Variants in ITGA9 observed in about 807,000 individuals in gnomAD.
ITGA9 encodes integrin subunit alpha 9.
ITGA9 carries 56 observed loss-of-function variants against 127.8 expected under a neutral mutation model. The ratio of observed to expected loss-of-function variants is 0.44; its 90% CI spans 0.35 to 0.55. The LOEUF (loss-of-function observed/expected upper bound fraction) is 0.55. ITGA9 is among the 20% of genes least tolerant of loss of function. The probability of loss-of-function intolerance (pLI) is 0.00; values close to 1 mark genes in which losing one functional copy is unlikely to be tolerated. For synonymous variants in ITGA9, 508 were observed against 514.5 expected, an observed-to-expected ratio of 0.99 and a Z score of 0.17; for missense variants, 1,196 against 1,347.1, an observed-to-expected ratio of 0.89 and a Z score of 1.76.
intron 27 of ITGA9, among the ~76,000 whole-genome samples, chr3:37,815,361 C>A (rs977395818): frequency 3.3e-5 from 5 of 152,324 alleles, no homozygotes; most frequent in East Asian, 3.9e-4. Context: ...GTAATCCCAG[C>A]GCTTTGGGAA....
At chr3:37,625,689 T>A (rs1700169874) in intron 15 of ITGA9, among the ~76,000 whole-genome samples, 1 of 152,226 alleles carries the variant, frequency 6.6e-6, no homozygotes, top group Non-Finnish European at 1.5e-5. Flanking sequence ...AAGGAGTTTC[T>A]CTGCTTAATT....
At chr3:37,762,702 A>G (rs1418279969) in intron 23 of ITGA9, among the ~76,000 whole-genome samples, 1 of 152,242 alleles carries the variant, frequency 6.6e-6, no homozygotes, top group African/African-American at 2.4e-5. Flanking sequence ...AGCCATTTCA[A>G]ACGATGTCAA....
intron 1 of ITGA9, among the ~76,000 whole-genome samples, chr3:37,466,302 G>A (rs1698369760): frequency 6.6e-6 from 1 of 151,810 alleles, no homozygotes; most frequent in South Asian, 2.1e-4. Flanking sequence ...TACCAATATG[G>A]TGAAACCCCA....
At chr3:37,576,598 T>G (rs576188490) in intron 15 of ITGA9, among the ~76,000 whole-genome samples, 1 of 152,148 alleles carries the variant, frequency 6.6e-6, no homozygotes, top group Non-Finnish European at 1.5e-5. Flanking sequence ...CAGCCAAGCA[T>G]GGAGGTCTCA....
rs183602653 is a variant in ITGA9 at position 37,820,716 on chromosome 3, G to T, written c.*1727G>T. On this transcript the variant is annotated 3_prime_UTR_variant, in exon 28 of 28. Coordinates refer to ENST00000264741, the MANE Select transcript of ITGA9 (RefSeq NM_002207.3). ...TGATGGATAACCATCTAATAAGACA[G>T]AAAACATGGGGCTAAGAGCAGGGTC... is the stretch of plus-strand genomic sequence containing the variant. The T allele has an allele frequency of 1.2e-4, 18 of 152,316 alleles. No homozygotes were observed. Among genetic ancestry groups the T allele is most frequent in the African/African-American group, 4.3e-4 (18 of 41,556 alleles). The allele number at this position is 152,316 out of a possible 1,614,324, so 9.4% of individuals were successfully genotyped here. A position where few individuals can be genotyped will look rare whatever the true frequency, so the allele number is the denominator to read the frequency against.
chr3:37,776,307 C>T (rs1168804949), intron 23 of ITGA9, among the ~76,000 whole-genome samples: 1 of 152,112 alleles, frequency 6.6e-6, no homozygotes, highest in Non-Finnish European at 1.5e-5. Context: ...ATATAACACA[C>T]CTGCACATGT....
In ITGA9 at chr3:37,819,353, TTTA is replaced by T. The variant is rs1221192720; in HGVS notation, c.*370_*372del. The T allele has an allele frequency of 4.8e-6, 1 of 210,398 alleles. No individual in the cohort carries two copies. Among genetic ancestry groups the T allele is most frequent in the Non-Finnish European group, 9.7e-6 (1 of 102,956 alleles). The allele number at this position is 210,398 out of a possible 1,614,324, so 13.0% of individuals were successfully genotyped here. On this transcript the variant is annotated 3_prime_UTR_variant, in exon 28 of 28. Transcript: ENST00000264741. ...ATGTCTTTTATATTTGTATCGATGT[TTTA>T]TTATTTCTATTAAATAGTTATATAA...
intron 11 of ITGA9, among the ~76,000 whole-genome samples, chr3:37,519,684 G>A (rs1224095607): frequency 6.6e-6 from 1 of 151,918 alleles, no homozygotes; most frequent in Non-Finnish European, 1.5e-5. Context: ...TCTATGCTAA[G>A]GCAAAGGAAT....
At chr3:37,624,979 A>C (rs931973783) in intron 15 of ITGA9, among the ~76,000 whole-genome samples, 4 of 152,216 alleles carry the variant, frequency 2.6e-5, no homozygotes, top group African/African-American at 9.6e-5. Context: ...TTTTAAGATC[A>C]CATAACCTGC....
intron 1 of ITGA9, among the ~76,000 whole-genome samples, chr3:37,463,953 A>G (rs1698343238): frequency 6.6e-6 from 1 of 152,224 alleles, no homozygotes; most frequent in African/African-American, 2.4e-5. Flanking sequence ...ATCTGCATGA[A>G]TATTCAGGGA....
chr3:37,714,453 G>A (rs1192280618), intron 18 of ITGA9, among the ~76,000 whole-genome samples: 1 of 152,164 alleles, frequency 6.6e-6, no homozygotes, highest in Non-Finnish European at 1.5e-5. Context: ...CAGGTCAGGG[G>A]CAACGGGCCC....
At chr3:37,798,891 G>A (rs1559602129) in intron 26 of ITGA9, among the ~76,000 whole-genome samples, 1 of 152,076 alleles carries the variant, frequency 6.6e-6, no homozygotes, top group Non-Finnish European at 1.5e-5. Flanking sequence ...ATATTTGTAT[G>A]AGAATCATGT....
chr3:37,687,382 A>G (rs1700791939), intron 18 of ITGA9, among the ~76,000 whole-genome samples: 1 of 149,034 alleles, frequency 6.7e-6, no homozygotes, highest in South Asian at 2.1e-4. Context: ...AAAGCAATAA[A>G]AAAGGATGAC....
chr3:37,597,870 G>A lies in ITGA9; in HGVS notation c.1690-31317G>A, dbSNP rs1699883499. On this transcript the variant is annotated intron_variant, in intron 15 of 27. Transcript: ENST00000264741. This position sits in a 1 kb window ranked among gnomAD's most constrained non-coding sequence, Gnocchi z 4.6. ...TATCTAGACTGGCATTGGCTGGGGT[G>A]ACTGGGGCAACTCAGCACCGCTCCA... Among the ~76,000 whole-genome samples, 1 of 152,184 alleles carries A rather than the reference G, an allele frequency of 6.6e-6. No individual in the cohort carries two copies. The highest frequency in any genetic ancestry group is 2.4e-5 in the African/African-American group (1 of 41,438).
At chr3:37,523,436 A>T in intron 11 of ITGA9, 85 bp from the exon 12 acceptor site, 1 of 1,032,830 alleles carries the variant, frequency 9.7e-7, no homozygotes, top group Non-Finnish European at 1.5e-6. Flanking sequence ...CAAGTGTCCT[A>T]GGGAAGCTGG....
intron 18 of ITGA9, among the ~76,000 whole-genome samples, chr3:37,722,624 C>T (rs980207188): frequency 8.5e-5 from 13 of 152,172 alleles, no homozygotes; most frequent in Non-Finnish European, 1.5e-4. Context: ...TTTCAGAGTT[C>T]ATTTGTTTGT....
intron 18 of ITGA9, among the ~76,000 whole-genome samples, chr3:37,705,908 T>C (rs1700999752): frequency 6.6e-6 from 1 of 152,194 alleles, no homozygotes; most frequent in South Asian, 2.1e-4. Flanking sequence ...TCCTCCCATT[T>C]GTTCATCTGG....
chr3:37,557,037 C>G (rs1699437828), intron 15 of ITGA9, among the ~76,000 whole-genome samples: 1 of 152,188 alleles, frequency 6.6e-6, no homozygotes, highest in Non-Finnish European at 1.5e-5. Context: ...CTGAGCTTGA[C>G]TTTTCAGCAG....
chr3:37,722,441 C>T (rs191921169), intron 18 of ITGA9, among the ~76,000 whole-genome samples: 1 of 152,304 alleles, frequency 6.6e-6, no homozygotes, highest in Non-Finnish European at 1.5e-5. Flanking sequence ...AAAAGAACCA[C>T]CATACTTCTT....
Sources: gnomAD v4.1 joint callset for allele counts (sites outside exome capture counted in the v4.1 genomes callset) on GRCh38, gnomAD v4.1.1 for gene constraint, Gnocchi (gnomAD v3.1) non-coding constraint, MANE v1.5 for transcripts, NCBI Gene and HGNC (gene_info 2026-07-23, HGNC 2026-07-21) for gene names.